Variants in MBNL1 observed in about 807,000 individuals in gnomAD.
MBNL1 encodes the protein muscleblind like splicing regulator 1.
MBNL1 carries 8 observed loss-of-function variants against 42.2 expected under a neutral mutation model. The observed-to-expected ratio is 0.19, with a 90% CI of 0.11 to 0.34. The LOEUF (loss-of-function observed/expected upper bound fraction) is 0.34. Among genes scored for constraint, MBNL1 ranks in the 10% least tolerant of loss-of-function variants. The pLI is 1.00. For synonymous variants in MBNL1, 169 were observed against 173.9 expected (o/e 0.97, Z 0.22); for missense variants, 309 against 495.3 (o/e 0.62, Z 3.57).
chr3:152,317,075 G>C (rs2072235206), intron 2 of MBNL1, among the ~76,000 whole-genome samples: 1 of 151,548 alleles, frequency 6.6e-6, no homozygotes, highest in Non-Finnish European at 1.5e-5. Flanking sequence ...TATGATTTTT[G>C]GTCCCTAAAA....
chr3:152,285,481 G>A (rs1387363217), intron 1 of MBNL1, among the ~76,000 whole-genome samples: 1 of 152,102 alleles, frequency 6.6e-6, no homozygotes, highest in Non-Finnish European at 1.5e-5. Context: ...TCTTAGAGTT[G>A]TGAGGAACAA....
chr3:152,297,087 G>A (rs1206613471), intron 1 of MBNL1, among the ~76,000 whole-genome samples: 1 of 152,124 alleles, frequency 6.6e-6, no homozygotes, highest in Non-Finnish European at 1.5e-5. Flanking sequence ...TTTAGAGGAA[G>A]AAAATAGTTA....
chr3:152,339,017 A>AT (rs1349446161), intron 2 of MBNL1, among the ~76,000 whole-genome samples: 5 of 152,176 alleles, frequency 3.3e-5, no homozygotes, highest in African/African-American at 2.4e-5. Context: ...AATAGAAATT[A>AT]TTTTTTCAAA....
rs946296151 is a variant in MBNL1, at chr3:152,249,543, G to T, written n.333+5103G>T. ...GCCCTTTGTCAGATGAGTAGGTTGC[G>T]AAAATTTTCTCCCATTTTGTAGGTT... is the stretch of plus-strand genomic sequence containing the variant. On this transcript the variant is annotated intron_variant and non_coding_transcript_variant, in intron 2 of 2. Transcript: ENST00000477171. Among the ~76,000 whole-genome samples the T allele has an allele frequency of 6.3e-4, 80 of 127,184 alleles. 1 individual carries two copies. The highest frequency in any genetic ancestry group is 1.9e-3 in the African/African-American group (69 of 36,112). The allele number at this position is 127,184 out of a possible 152,430, so 83.4% of individuals were successfully genotyped here. A position where few individuals can be genotyped will look rare whatever the true frequency, so the allele number is the denominator to read the frequency against.
At chr3:152,280,453 G>C (rs986118257) in intron 1 of MBNL1, among the ~76,000 whole-genome samples, 1 of 152,120 alleles carries the variant, frequency 6.6e-6, no homozygotes, top group African/African-American at 2.4e-5. Context: ...TGCCAGCATA[G>C]TATCATCCTG....
chr3:152,331,120 C>T (rs2084147521), intron 2 of MBNL1, among the ~76,000 whole-genome samples: 1 of 152,012 alleles, frequency 6.6e-6, no homozygotes, highest in Admixed American at 6.6e-5. Flanking sequence ...CTCTCTCCTT[C>T]CCTGTCTTAC....
chr3:152,392,373 T>C, intron 2 of MBNL1, among the ~76,000 whole-genome samples: 1 of 152,208 alleles, frequency 6.6e-6, no homozygotes, highest in East Asian at 1.9e-4. Context: ...ATTGGAGTGG[T>C]GTTAATGGGA....
chr3:152,284,185 A>G (rs1191029132), intron 1 of MBNL1, among the ~76,000 whole-genome samples: 2 of 152,132 alleles, frequency 1.3e-5, no homozygotes, highest in Non-Finnish European at 2.9e-5. Context: ...TGTTGAATGT[A>G]TTTGAATTTC....
chr3:152,458,603 G>A (rs576335329), intron 8 of MBNL1: 67 of 166,680 alleles, frequency 4.0e-4, no homozygotes, highest in Non-Finnish European at 5.7e-4. Context: ...TCAGGTTGAA[G>A]AATCAAGCTA....
At chr3:152,303,435 G>A (rs961733048) in intron 2 of MBNL1, among the ~76,000 whole-genome samples, 5 of 152,070 alleles carry the variant, frequency 3.3e-5, no homozygotes, top group African/African-American at 7.2e-5. Flanking sequence ...AATTGCTTAC[G>A]TGCTATAGAT....
intron 4 of MBNL1, among the ~76,000 whole-genome samples, chr3:152,437,293 G>T (rs1207679919): frequency 6.6e-6 from 1 of 152,138 alleles, no homozygotes; most frequent in Non-Finnish European, 1.5e-5. Flanking sequence ...AGACAGTAAA[G>T]AAATTTAAAA....
At chr3:152,384,999 TA>T (rs747744589) in intron 2 of MBNL1, among the ~76,000 whole-genome samples, 4 of 152,092 alleles carry the variant, frequency 2.6e-5, no homozygotes, top group Non-Finnish European at 4.4e-5. Flanking sequence ...AGCTATGGTG[TA>T]ATTTTCAGAA....
chr3:152,355,332 C>G (rs2095435175), intron 2 of MBNL1, among the ~76,000 whole-genome samples: 1 of 152,084 alleles, frequency 6.6e-6, no homozygotes, highest in Admixed American at 6.5e-5. Context: ...TAGAGCAGTG[C>G]CTGCGTCCAG....
At chr3:152,297,308 T>G (rs560942149) in intron 1 of MBNL1, among the ~76,000 whole-genome samples, 2 of 151,144 alleles carry the variant, frequency 1.3e-5, no homozygotes, top group South Asian at 4.2e-4. Context: ...GGAACTTTTT[T>G]GAAAACCAAA....
At chr3:152,400,927 A>G (rs889939094) in intron 2 of MBNL1, among the ~76,000 whole-genome samples, 1 of 152,234 alleles carries the variant, frequency 6.6e-6, no homozygotes, top group Non-Finnish European at 1.5e-5. Flanking sequence ...GTATTAGTAT[A>G]TGTAAACCAA....
At chr3:152,442,428 A>AT (rs2099156906) in intron 4 of MBNL1, among the ~76,000 whole-genome samples, 1 of 152,244 alleles carries the variant, frequency 6.6e-6, no homozygotes, top group African/African-American at 2.4e-5. Flanking sequence ...GTGTGCATAC[A>AT]TACAGAAGAC....
At chr3:152,320,341 C>G (rs1426493585) in intron 2 of MBNL1, among the ~76,000 whole-genome samples, 1 of 152,126 alleles carries the variant, frequency 6.6e-6, no homozygotes, top group African/African-American at 2.4e-5. Context: ...TGCTCAGGCA[C>G]TATAATGGAC....
At chr3:152,414,918 GT>G (rs766019046) in intron 2 of MBNL1, 22 bp from the exon 3 acceptor site, 1 of 1,606,014 alleles carries the variant, frequency 6.2e-7, no homozygotes, top group Non-Finnish European at 8.5e-7. Context: ...CTAAGATGAT[GT>G]TTGCTGCTTT....
intron 2 of MBNL1, among the ~76,000 whole-genome samples, chr3:152,410,906 G>A (rs1034472607): frequency 1.3e-5 from 2 of 152,192 alleles, no homozygotes; most frequent in African/African-American, 2.4e-5. Flanking sequence ...TTTTTAGAGC[G>A]TTTAACAGAT....
Sources: allele counts gnomAD v4.1 joint callset (sites outside exome capture counted in the v4.1 genomes callset), GRCh38; gene constraint gnomAD v4.1.1; transcripts MANE v1.5; gene names NCBI Gene and HGNC (gene_info 2026-07-23, HGNC 2026-07-21).